Variants in MBP observed in about 807,000 individuals in gnomAD.
MBP encodes the protein Golli-MBP.
MBP carries 16 observed loss-of-function variants against 35.8 expected under a neutral mutation model. The ratio of observed to expected loss-of-function variants is 0.45; its 90% confidence interval spans 0.30 to 0.68. The LOEUF (loss-of-function observed/expected upper bound fraction) is 0.68. MBP is among the 30% of genes least tolerant of loss of function. The pLI, the probability that MBP is intolerant of heterozygous loss-of-function variation, is 0.08. For synonymous variants in MBP, 143 were observed against 159.6 expected (o/e 0.90, Z 0.78); for missense variants, 380 against 404.7 (o/e 0.94, Z 0.52).
intron 2 of MBP, among the ~76,000 whole-genome samples, chr18:77,094,188 C>G (rs1975664474): frequency 6.6e-6 from 1 of 152,186 alleles, no homozygotes; most frequent in Non-Finnish European, 1.5e-5. Context: ...GTTGGCCAGG[C>G]TGGTCTTGAA....
In MBP at chr18:76,988,777, C is replaced by T; in HGVS notation, c.717+100G>A. Reference sequence around the variant, plus strand: ...CTGGCAACACGTTTTGGGATGGATTCTGGTAGCTCGGAGCCTAACTCTCTC... The same window carrying T: ...CTGGCAACACGTTTTGGGATGGATTTTGGTAGCTCGGAGCCTAACTCTCTC... On this transcript the variant is annotated intron_variant, in intron 6 of 8. Coordinates refer to ENST00000355994, the MANE Select transcript of MBP (RefSeq NM_001025101.2). This position sits in a 1 kb window ranked among gnomAD's most constrained non-coding sequence, Gnocchi z 5.2. The T allele has an allele frequency of 1.4e-6, 2 of 1,437,478 alleles. No individual in the cohort carries two copies. The highest frequency in any genetic ancestry group is 1.9e-6 in the Non-Finnish European group (2 of 1,047,426). 89.0% of individuals were successfully genotyped at this position (1,437,478 alleles called of 1,614,324 possible). A position where few individuals can be genotyped will look rare whatever the true frequency, so the allele number is the denominator to read the frequency against.
At chr18:77,108,206 A>T (rs1043357476) in intron 1 of MBP, 1 of 152,264 alleles carries the variant, frequency 6.6e-6, no homozygotes, top group Admixed American at 6.5e-5. Context: ...CTAAGAGCTC[A>T]GCCTGGCAGC....
rs961992308 is a variant in MBP at position 77,009,369 on chromosome 18, G to A, written c.576+7463C>T. 5.3e-5 allele frequency among the ~76,000 whole-genome samples: 8 copies of A among 152,372 alleles called. 1 individual carries two copies. The South Asian group carries it at 8.3e-4, about 16-fold the overall frequency. ...AGGACAGAGCCCAGAGAGACCAGAC[G>A]TCCCAAGGACACTCATCGTTTAGAG... On this transcript the variant is annotated intron_variant, in intron 4 of 8. Coordinates refer to ENST00000355994, the MANE Select transcript of MBP (RefSeq NM_001025101.2).
intron 3 of MBP, among the ~76,000 whole-genome samples, chr18:77,056,404 C>T (rs553438047): frequency 2.0e-5 from 3 of 152,330 alleles, no homozygotes; most frequent in African/African-American, 7.2e-5. Flanking sequence ...TTTGAGACAT[C>T]GGCCCTTTCC....
At chr18:77,132,964 G>C (rs998018866), upstream of MBP, 1 of 151,838 alleles carries the variant, frequency 6.6e-6, no homozygotes, top group Non-Finnish European at 1.5e-5. Context: ...GCGGAACTTG[G>C]GGGGCGCACG....
intron 4 of MBP, among the ~76,000 whole-genome samples, chr18:77,008,914 G>C (rs1971158767): frequency 6.6e-6 from 1 of 152,204 alleles, no homozygotes; most frequent in Non-Finnish European, 1.5e-5. Flanking sequence ...GAGTGTAAAT[G>C]GTCCCCCCTT....
intron 2 of MBP, among the ~76,000 whole-genome samples, chr18:77,103,111 G>A (rs1458798218): frequency 6.6e-6 from 1 of 152,072 alleles, no homozygotes; most frequent in East Asian, 1.9e-4. Flanking sequence ...ATATACACAG[G>A]AACAGTATAT....
intron 4 of MBP, among the ~76,000 whole-genome samples, chr18:77,010,556 T>C (rs745636052): frequency 6.6e-6 from 1 of 152,204 alleles, no homozygotes; most frequent in Non-Finnish European, 1.5e-5. Context: ...TTAGGAGCAA[T>C]AGTGTTCAAA....
intron 1 of MBP, among the ~76,000 whole-genome samples, chr18:77,123,495 C>T (rs917498099): frequency 2.0e-5 from 3 of 152,190 alleles, no homozygotes; most frequent in African/African-American, 4.8e-5. Context: ...TGAGCTGTGT[C>T]GACCTGGAAA....
Position 77,131,025 on chromosome 18 carries a change from C to CAA in MBP, c.-26+1553_-26+1554dup, listed in dbSNP as rs56844180. On this transcript the variant is annotated intron_variant, in intron 1 of 8. Coordinates refer to ENST00000355994, the MANE Select transcript of MBP (RefSeq NM_001025101.2). The surrounding 1 kb of genome is among the most constrained non-coding windows in gnomAD (Gnocchi z 5.5). Reference sequence around the variant, plus strand: ...TTCCCTCAGATTTCTGTTTTTCCCACAAAAAAAAAAAAAAAACAAAACCTC... The same window carrying CAA: ...TTCCCTCAGATTTCTGTTTTTCCCACAAAAAAAAAAAAAAAAAACAAAACCTC... Among the ~76,000 whole-genome samples, 1,139 of 130,070 alleles carry CAA rather than the reference C, an allele frequency of 8.8e-3. 24 individuals are homozygous for CAA. Among genetic ancestry groups the CAA allele is most frequent in the South Asian group, 0.067 (267 of 4,006 alleles). The allele number at this position is 130,070 out of a possible 152,430, so 85.3% of individuals were successfully genotyped here.
At chr18:77,080,073 C>CA (rs1213269055) in intron 2 of MBP, among the ~76,000 whole-genome samples, 3 of 152,108 alleles carry the variant, frequency 2.0e-5, no homozygotes, top group African/African-American at 7.2e-5. Context: ...AGTATCAGCC[C>CA]AGGAATAAAC....
intron 4 of MBP, among the ~76,000 whole-genome samples, chr18:77,012,034 T>G (rs1156914876): frequency 6.6e-6 from 1 of 152,140 alleles, no homozygotes; most frequent in Non-Finnish European, 1.5e-5. Flanking sequence ...ATGAGAGAAA[T>G]GAATGCTTTA....
At chr18:77,032,216 TC>T (rs2123621345) in intron 3 of MBP, among the ~76,000 whole-genome samples, 2 of 152,300 alleles carry the variant, frequency 1.3e-5, no homozygotes, top group South Asian at 4.1e-4. Context: ...AATACTTGTG[TC>T]ACGGCGCGCT....
At chr18:77,038,906 T>C (rs539563988) in intron 3 of MBP, among the ~76,000 whole-genome samples, 2 of 152,360 alleles carry the variant, frequency 1.3e-5, no homozygotes, top group Non-Finnish European at 2.9e-5. Flanking sequence ...CTGGTTAGTA[T>C]GGAGGTTTGA....
intron 2 of MBP, among the ~76,000 whole-genome samples, chr18:77,081,044 T>C (rs1021240993): frequency 6.6e-6 from 1 of 152,204 alleles, no homozygotes; most frequent in East Asian, 1.9e-4. Context: ...TCCCTGAAAG[T>C]ATAGTCTTAA....
At position 76,984,810 on chromosome 18, in the gene MBP, C is replaced by G; in HGVS notation, c.835G>C (p.Asp279His). ...KSAHKGFKGV[D>H]AQGTLSKIFK... ...ATTTTGGAAAGCGTGCCCTGGGCAT[C>G]GACTCCCTTGAATCCCTTGTGAGCC... Residue 279 changes from aspartate to histidine, a missense_variant, in exon 8 of 9, where the codon GAT becomes CAT. By Grantham distance (81) the Asp-to-His change is moderately conservative. Coordinates refer to ENST00000355994, the MANE Select transcript of MBP (RefSeq NM_001025101.2). 1 of 1,614,096 alleles carries G rather than the reference C, an allele frequency of 6.2e-7. No homozygotes were observed. The highest frequency in any genetic ancestry group is 8.5e-7 in the Non-Finnish European group (1 of 1,180,038).
chr18:77,121,225 G>T (rs11664489), intron 1 of MBP, among the ~76,000 whole-genome samples: 1 of 151,674 alleles, frequency 6.6e-6, no homozygotes, highest in Admixed American at 6.6e-5. Flanking sequence ...TGGGAGGGTC[G>T]TTTGAGCCCC....
intron 4 of MBP, chr18:77,015,578 T>C (rs1971580175): frequency 1.0e-6 from 1 of 985,342 alleles, no homozygotes; most frequent in Admixed American, 6.1e-5. Flanking sequence ...CAAAATGTCA[T>C]TTACAAATAA....
chr18:77,076,269 A>T (rs1292482283), intron 2 of MBP, among the ~76,000 whole-genome samples: 1 of 152,206 alleles, frequency 6.6e-6, no homozygotes, highest in Non-Finnish European at 1.5e-5. Context: ...CTATGCTGGC[A>T]CTTGGCCTGA....
Sources: allele counts gnomAD v4.1 joint callset (sites outside exome capture counted in the v4.1 genomes callset), GRCh38; gene constraint gnomAD v4.1.1; non-coding constraint Gnocchi (gnomAD v3.1); transcripts MANE v1.5; gene names NCBI Gene and HGNC (gene_info 2026-07-23, HGNC 2026-07-21).